Variants in RBFOX1 observed in about 807,000 individuals in gnomAD.
The protein encoded by RBFOX1 is RNA binding protein fox-1 homolog 1.
A neutral mutation model predicts 57.7 loss-of-function variants in RBFOX1; 8 were observed. That is an observed-to-expected ratio of 0.14 (90% confidence interval 0.08 to 0.25). The LOEUF (loss-of-function observed/expected upper bound fraction) is 0.25, where lower values mean the gene tolerates loss of function less well. RBFOX1 is among the 10% of genes least tolerant of loss of function. The probability of loss-of-function intolerance (pLI) is 1.00; values close to 1 mark genes in which losing one functional copy is unlikely to be tolerated. For synonymous variants in RBFOX1, 326 were observed against 222.4 expected (o/e 1.47, Z -4.15); for missense variants, 611 against 548.5 (o/e 1.11, Z -1.14).
intron 4 of RBFOX1, among the ~76,000 whole-genome samples, chr16:7,183,206 T>G (rs1011141551): frequency 2.6e-5 from 4 of 152,154 alleles, no homozygotes; most frequent in Admixed American, 6.5e-5. Context: ...CCTGGCTGCC[T>G]GTGTCTGAAG....
At chr16:6,960,776 C>T (rs549246927) in intron 3 of RBFOX1, among the ~76,000 whole-genome samples, 1 of 151,924 alleles carries the variant, frequency 6.6e-6, no homozygotes, top group Admixed American at 6.6e-5. Context: ...CTTCAATCAT[C>T]ATATCCCTGA....
intron 2 of RBFOX1, among the ~76,000 whole-genome samples, chr16:5,517,708 G>C (rs2043844514): frequency 6.6e-6 from 1 of 152,188 alleles, no homozygotes; most frequent in Non-Finnish European, 1.5e-5. Flanking sequence ...ATCAGAAGTA[G>C]ACCAAGAAGG....
intron 2 of RBFOX1, among the ~76,000 whole-genome samples, chr16:5,496,930 A>G (rs906319379): frequency 6.6e-6 from 1 of 152,348 alleles, no homozygotes; most frequent in East Asian, 1.9e-4. Flanking sequence ...TACATTTTAT[A>G]CACAACATCT....
At chr16:7,551,833 T>C (rs2086635630) in intron 5 of RBFOX1, among the ~76,000 whole-genome samples, 1 of 152,222 alleles carries the variant, frequency 6.6e-6, no homozygotes, top group Non-Finnish European at 1.5e-5. Context: ...TTTTTCTTTT[T>C]CCAACATACT....
chr16:6,793,891 A>T (rs1448646346), intron 3 of RBFOX1, among the ~76,000 whole-genome samples: 2 of 152,080 alleles, frequency 1.3e-5, no homozygotes, highest in East Asian at 3.9e-4. Flanking sequence ...AAGGTTATGA[A>T]ACATCTATCT....
intron 2 of RBFOX1, among the ~76,000 whole-genome samples, chr16:6,543,146 C>A (rs950973466): frequency 6.6e-6 from 1 of 152,162 alleles, no homozygotes. Flanking sequence ...AAATGTGGCA[C>A]ATTTGTACCC....
chr16:6,325,592 A>G (rs1329462802), intron 2 of RBFOX1, among the ~76,000 whole-genome samples: 1 of 152,184 alleles, frequency 6.6e-6, no homozygotes, highest in Non-Finnish European at 1.5e-5. Context: ...TTCTGAAGAC[A>G]TTAGTGAATC....
intron 1 of RBFOX1, among the ~76,000 whole-genome samples, chr16:5,387,661 G>C (rs2066292927): frequency 1.3e-5 from 2 of 152,212 alleles, no homozygotes; most frequent in African/African-American, 4.8e-5. Flanking sequence ...AGGGAGGGGA[G>C]TGGATGTCTG....
intron 2 of RBFOX1, among the ~76,000 whole-genome samples, chr16:5,470,435 T>C (rs756555489): frequency 3.9e-5 from 6 of 152,202 alleles, no homozygotes; most frequent in African/African-American, 7.2e-5. Context: ...ATTGCGTTGG[T>C]TTGTTGATAG....
At chr16:7,097,201 A>G (rs1025302623) in intron 4 of RBFOX1, among the ~76,000 whole-genome samples, 1 of 152,106 alleles carries the variant, frequency 6.6e-6, no homozygotes. Context: ...CTAGGACCTG[A>G]GAGTTAGGAA....
At chr16:6,738,399 G>A (rs1478060239) in intron 3 of RBFOX1, among the ~76,000 whole-genome samples, 1 of 152,084 alleles carries the variant, frequency 6.6e-6, no homozygotes, top group African/African-American at 2.4e-5. Context: ...TGAGTATAGA[G>A]CATCAGAGTG....
intron 2 of RBFOX1, among the ~76,000 whole-genome samples, chr16:6,443,865 T>C (rs1433210311): frequency 6.6e-6 from 1 of 151,974 alleles, no homozygotes; most frequent in Non-Finnish European, 1.5e-5. Flanking sequence ...CATCCATCCA[T>C]CCATCCCTCC....
At chr16:5,369,640 C>G (rs534655856) in intron 1 of RBFOX1, among the ~76,000 whole-genome samples, 1 of 152,218 alleles carries the variant, frequency 6.6e-6, no homozygotes, top group African/African-American at 2.4e-5. Context: ...GCTGGGCAAA[C>G]TTGCTTCTGG....
intron 1 of RBFOX1, among the ~76,000 whole-genome samples, chr16:5,338,568 A>G (rs1004234219): frequency 1.3e-5 from 2 of 152,228 alleles, no homozygotes; most frequent in African/African-American, 4.8e-5. Context: ...TTATGACTGA[A>G]CAATATACAT....
At chr16:6,134,987 C>T (rs1020242415) in intron 1 of RBFOX1, among the ~76,000 whole-genome samples, 3 of 152,228 alleles carry the variant, frequency 2.0e-5, no homozygotes, top group African/African-American at 4.8e-5. Flanking sequence ...AACTGCTGTC[C>T]GTCCCCCCTC....
chr16:7,563,249 A>G (rs977487596), intron 5 of RBFOX1, among the ~76,000 whole-genome samples: 15 of 152,188 alleles, frequency 9.9e-5, no homozygotes, highest in African/African-American at 3.6e-4. Context: ...TATAATAATC[A>G]TGGTCCATCC....
intron 4 of RBFOX1, among the ~76,000 whole-genome samples, chr16:7,370,306 A>T (rs1195453163): frequency 1.3e-5 from 2 of 152,210 alleles, no homozygotes; most frequent in Admixed American, 6.5e-5. Flanking sequence ...TAAGAAGCAG[A>T]CATGTTATCT....
At chr16:5,291,183 C>G (rs1382234830) in intron 1 of RBFOX1, among the ~76,000 whole-genome samples, 3 of 152,092 alleles carry the variant, frequency 2.0e-5, no homozygotes, top group African/African-American at 7.2e-5. Flanking sequence ...TCCCAGCTTC[C>G]CCACTGGTGA....
chr16:6,747,399 T>G (rs1230460195), intron 3 of RBFOX1, among the ~76,000 whole-genome samples: 1 of 146,414 alleles, frequency 6.8e-6, no homozygotes, highest in Non-Finnish European at 1.5e-5. Context: ...AGAGTGAGAC[T>G]CAGTCTCAAA....
Sources: gnomAD v4.1 joint callset for allele counts (sites outside exome capture counted in the v4.1 genomes callset) on GRCh38, gnomAD v4.1.1 for gene constraint, MANE v1.5 for transcripts, NCBI Gene and HGNC (gene_info 2026-07-23, HGNC 2026-07-21) for gene names.